DPYD: variants seen among roughly 807,000 people sequenced by gnomAD.
DPYD encodes the protein dihydropyrimidine dehydrogenase.
Under a neutral mutation model 116.2 loss-of-function variants are expected in DPYD, and 109 were observed. The ratio of observed to expected loss-of-function variants is 0.94; its 90% CI spans 0.80 to 1.10. The LOEUF (loss-of-function observed/expected upper bound fraction) is 1.10. Ranked by LOEUF, DPYD falls within the 50% of genes least tolerant of loss-of-function variation. The pLI, the probability that DPYD is intolerant of heterozygous loss-of-function variation, is 0.00. For synonymous variants in DPYD, 440 were observed against 432.0 expected, an observed-to-expected ratio of 1.02 and a Z score of -0.23; for missense variants, 1,302 against 1,254.5, an observed-to-expected ratio of 1.04 and a Z score of -0.57.
chr1:97,717,073 T>C (rs1328141583), intron 5 of DPYD, among the ~76,000 whole-genome samples: 3 of 152,064 alleles, frequency 2.0e-5, no homozygotes, highest in Non-Finnish European at 4.4e-5. Context: ...GTCATTTATT[T>C]GTGTTAATGA....
Position 97,306,163 on chromosome 1 carries a change from A to C in DPYD, c.2179+14T>G. On this transcript the variant is annotated intron_variant, in intron 17 of 22. Coordinates refer to ENST00000370192, the MANE Select transcript of DPYD (RefSeq NM_000110.4). ...TTTACAATAGCGGGCAACTGATTCA[A>C]GTCAAGTTCTTACCTTCCTTTGCAG... 1 of 1,612,146 alleles carries C rather than the reference A, an allele frequency of 6.2e-7. No homozygotes were observed.
At chr1:97,642,512 ATGT>A (rs996882994) in intron 8 of DPYD, among the ~76,000 whole-genome samples, 4 of 152,068 alleles carry the variant, frequency 2.6e-5, no homozygotes, top group African/African-American at 9.7e-5. Context: ...TATTTAATAA[ATGT>A]TGTTGGGAAA....
chr1:97,574,267 A>G (rs1341283569), intron 10 of DPYD, among the ~76,000 whole-genome samples: 2 of 152,110 alleles, frequency 1.3e-5, no homozygotes, highest in Non-Finnish European at 2.9e-5. Context: ...TTCTGACCAT[A>G]GTAGCCTATT....
At chr1:97,879,677 G>C (rs1195698469) in intron 2 of DPYD, among the ~76,000 whole-genome samples, 1 of 151,776 alleles carries the variant, frequency 6.6e-6, no homozygotes, top group Non-Finnish European at 1.5e-5. Flanking sequence ...GATATTCCTG[G>C]GCAATAATTT....
At chr1:97,182,301 A>T (rs1230928850) in intron 20 of DPYD, among the ~76,000 whole-genome samples, 1 of 152,148 alleles carries the variant, frequency 6.6e-6, no homozygotes, top group Non-Finnish European at 1.5e-5. Flanking sequence ...TATCACTCAA[A>T]CCATCTGACG....
At chr1:97,741,776 T>G (rs994882447) in intron 3 of DPYD, among the ~76,000 whole-genome samples, 1 of 152,074 alleles carries the variant, frequency 6.6e-6, no homozygotes, top group Non-Finnish European at 1.5e-5. Context: ...CACACACTGG[T>G]CAATGTGGTC....
intron 4 of DPYD, among the ~76,000 whole-genome samples, chr1:97,736,692 C>A (rs1663963248): frequency 6.6e-6 from 1 of 152,022 alleles, no homozygotes; most frequent in African/African-American, 2.4e-5. Flanking sequence ...AATACATAGG[C>A]CAAAATTGGC....
chr1:97,242,314 T>C (rs984136343), intron 18 of DPYD, among the ~76,000 whole-genome samples: 2 of 150,650 alleles, frequency 1.3e-5, no homozygotes, highest in Non-Finnish European at 3.0e-5. Flanking sequence ...CTCTATTAAA[T>C]AAATTATAGT....
At chr1:97,167,515 A>G (rs1461307589) in intron 20 of DPYD, among the ~76,000 whole-genome samples, 1 of 152,182 alleles carries the variant, frequency 6.6e-6, no homozygotes, top group Non-Finnish European at 1.5e-5. Flanking sequence ...TCTATATTCT[A>G]CAAAAGTCTA....
chr1:97,172,170 T>C (rs1413608537), intron 20 of DPYD, among the ~76,000 whole-genome samples: 1 of 152,172 alleles, frequency 6.6e-6, no homozygotes, highest in Non-Finnish European at 1.5e-5. Flanking sequence ...GATGGTGTTA[T>C]CTTTCTTCGT....
chr1:97,286,615 A>G (rs1469914549), intron 18 of DPYD, among the ~76,000 whole-genome samples: 6 of 151,964 alleles, frequency 3.9e-5, no homozygotes, highest in African/African-American at 7.3e-5. Context: ...GGCTTTGTTC[A>G]TTTCTTTTTA....
intron 3 of DPYD, among the ~76,000 whole-genome samples, chr1:97,784,831 A>C (rs1666936321): frequency 6.6e-6 from 1 of 152,214 alleles, no homozygotes; most frequent in African/African-American, 2.4e-5. Flanking sequence ...CATTTTTTAT[A>C]CAGTTAAATA....
chr1:97,639,762 T>C (rs1267765456), intron 8 of DPYD, among the ~76,000 whole-genome samples: 1 of 152,174 alleles, frequency 6.6e-6, no homozygotes, highest in African/African-American at 2.4e-5. Flanking sequence ...AGATAAAACA[T>C]TGATTCCAAT....
chr1:97,117,486 A>G (rs532900156), intron 20 of DPYD, among the ~76,000 whole-genome samples: 2 of 152,320 alleles, frequency 1.3e-5, no homozygotes, highest in African/African-American at 4.8e-5. Context: ...AATTCAACCT[A>G]TTTCCTAAGG....
intron 4 of DPYD, among the ~76,000 whole-genome samples, chr1:97,722,310 T>C (rs1399856907): frequency 1.3e-5 from 2 of 151,304 alleles, no homozygotes; most frequent in African/African-American, 2.4e-5. Flanking sequence ...TAAGGACACA[T>C]GACAAATAAA....
chr1:97,198,570 G>A (rs911795058), intron 19 of DPYD, among the ~76,000 whole-genome samples: 3 of 152,106 alleles, frequency 2.0e-5, no homozygotes, highest in African/African-American at 4.8e-5. Context: ...GGGCCTTATC[G>A]CTATCTCAAA....
At chr1:97,172,524 T>C (rs992166855) in intron 20 of DPYD, among the ~76,000 whole-genome samples, 3 of 152,230 alleles carry the variant, frequency 2.0e-5, no homozygotes, top group Non-Finnish European at 2.9e-5. Flanking sequence ...TAGATATCTC[T>C]GCCTTCCATA....
chr1:97,129,241 T>C (rs10875046), intron 20 of DPYD, among the ~76,000 whole-genome samples: 24,839 of 151,814 alleles, frequency 0.16, 2,173 homozygotes, highest in East Asian at 0.31. Context: ...TTTTTTGTAT[T>C]TTTTAGTATA....
intron 13 of DPYD, among the ~76,000 whole-genome samples, chr1:97,502,488 G>C (rs1679639321): frequency 6.6e-6 from 1 of 151,928 alleles, no homozygotes; most frequent in African/African-American, 2.4e-5. Context: ...GACATGATTT[G>C]TACAAAGATT....
Sources: allele counts gnomAD v4.1 joint callset (sites outside exome capture counted in the v4.1 genomes callset), GRCh38; gene constraint gnomAD v4.1.1; transcripts MANE v1.5; gene names NCBI Gene and HGNC (gene_info 2026-07-23, HGNC 2026-07-21).